The following FBXL17 variants were observed in gnomAD, a reference collection of about 807,000 sequenced individuals.
The protein encoded by FBXL17 is F-box/LRR-repeat protein 17.
In FBXL17, 22 loss-of-function variants were observed where a neutral mutation model predicts 66.2. That is an observed-to-expected ratio of 0.33 (90% CI 0.24 to 0.47). The LOEUF (loss-of-function observed/expected upper bound fraction) is 0.47, where lower values mean the gene tolerates loss of function less well. Ranked by LOEUF, FBXL17 falls within the 20% of genes least tolerant of loss-of-function variation. The pLI, the probability that FBXL17 is intolerant of heterozygous loss-of-function variation, is 1.00. For missense variants in FBXL17, 878 were observed against 948.2 expected (o/e 0.93, Z 0.97); for synonymous variants, 474 against 400.5 (o/e 1.18, Z -2.19).
chr5:108,248,320 A>G (rs1756197995), intron 4 of FBXL17, among the ~76,000 whole-genome samples: 1 of 152,182 alleles, frequency 6.6e-6, no homozygotes, highest in Admixed American at 6.6e-5. Flanking sequence ...CAAAACGAAA[A>G]AGTCATTGGA....
Position 107,917,131 on chromosome 5 carries a change from C to T in FBXL17, c.1823-35952G>A, listed in dbSNP as rs550037331. Among the ~76,000 whole-genome samples the T allele has an allele frequency of 1.2e-4, 18 of 152,304 alleles. 1 individual carries two copies. The South Asian group carries it at 3.7e-3, about 32-fold the overall frequency. ...AAATATTAATAGATTACTACCACCG[C>T]CACTACTATTACAATTACAGCTACT... On this transcript the variant is annotated intron_variant, in intron 7 of 8. Coordinates refer to ENST00000542267, the MANE Select transcript of FBXL17 (RefSeq NM_001163315.3).
At chr5:107,970,521 C>A (rs1472998280) in intron 7 of FBXL17, among the ~76,000 whole-genome samples, 1 of 152,130 alleles carries the variant, frequency 6.6e-6, no homozygotes, top group Non-Finnish European at 1.5e-5. Context: ...AGGCCAGAAT[C>A]TATGATCAAA....
intron 7 of FBXL17, among the ~76,000 whole-genome samples, chr5:108,000,285 T>C (rs930004557): frequency 2.6e-5 from 4 of 152,244 alleles, no homozygotes; most frequent in African/African-American, 9.6e-5. Context: ...CTTATACGCA[T>C]ACTGCTAAGG....
Position 107,935,409 on chromosome 5 carries a change from A to ATGTGTGTGTG in FBXL17, c.1823-54231_1823-54230insCACACACACA, listed in dbSNP as rs10636166. ...AAGAGGCATCTCTCTTTATATATAT[A>ATGTGTGTGTG]TATGTGTGTGTGTGTGTGTGTATGT... On this transcript the variant is annotated intron_variant, in intron 7 of 8. Coordinates refer to ENST00000542267, the MANE Select transcript of FBXL17 (RefSeq NM_001163315.3). Among the ~76,000 whole-genome samples the ATGTGTGTGTG allele has an allele frequency of 1.8e-3, 264 of 149,170 alleles. 1 individual carries two copies. The highest frequency in any genetic ancestry group is 3.0e-3 in the African/African-American group (121 of 40,426).
intron 4 of FBXL17, among the ~76,000 whole-genome samples, chr5:108,239,460 G>C (rs1050386433): frequency 3.9e-5 from 6 of 152,164 alleles, no homozygotes; most frequent in African/African-American, 7.2e-5. Flanking sequence ...CTGTCATAGC[G>C]GAAAGCAACA....
intron 6 of FBXL17, among the ~76,000 whole-genome samples, chr5:108,088,099 T>C (rs1749039926): frequency 6.6e-6 from 1 of 152,222 alleles, no homozygotes; most frequent in African/African-American, 2.4e-5. Context: ...GAAGCAAATT[T>C]CTTTTAAGTG....
At chr5:108,125,950 C>T (rs1463365898) in intron 6 of FBXL17, among the ~76,000 whole-genome samples, 1 of 152,030 alleles carries the variant, frequency 6.6e-6, no homozygotes, top group Non-Finnish European at 1.5e-5. Context: ...TCTTTACGGT[C>T]CAAAGGGCCC....
At chr5:107,909,095 T>G (rs1157414726) in intron 7 of FBXL17, among the ~76,000 whole-genome samples, 1 of 152,124 alleles carries the variant, frequency 6.6e-6, no homozygotes, top group Non-Finnish European at 1.5e-5. Context: ...TATATTGAGA[T>G]TCTGGGTAAA....
At chr5:108,085,184 T>C (rs994625485) in intron 6 of FBXL17, among the ~76,000 whole-genome samples, 3 of 152,240 alleles carry the variant, frequency 2.0e-5, no homozygotes, top group Non-Finnish European at 4.4e-5. Context: ...ACGACAGCTT[T>C]AGTGTTTATA....
chr5:108,177,572 C>T (rs1333081225), intron 6 of FBXL17, among the ~76,000 whole-genome samples: 5 of 152,038 alleles, frequency 3.3e-5, no homozygotes, highest in Non-Finnish European at 5.9e-5. Context: ...GCCAAAACAA[C>T]AGGCATGGGT....
intron 4 of FBXL17, among the ~76,000 whole-genome samples, chr5:108,330,948 G>A (rs1466359273): frequency 6.6e-6 from 1 of 152,104 alleles, no homozygotes; most frequent in East Asian, 1.9e-4. Flanking sequence ...AGCTACTCAG[G>A]AGGCTGAGGC....
intron 7 of FBXL17, among the ~76,000 whole-genome samples, chr5:107,977,256 T>C (rs1187431136): frequency 1.3e-5 from 2 of 152,226 alleles, no homozygotes; most frequent in African/African-American, 4.8e-5. Context: ...CTCTGAGTTA[T>C]CATTTATTTT....
In FBXL17 at chr5:108,050,772, T is replaced by G. The variant is rs376547515; in HGVS notation, c.1746-29771A>C. On this transcript the variant is annotated intron_variant, in intron 6 of 8. Coordinates refer to ENST00000542267, the MANE Select transcript of FBXL17 (RefSeq NM_001163315.3). ...AAAAATGAATGAATCCAGGAGCAGG[T>G]TTTTTGAAAAAATTAACAAAGTAGA... 2.4e-4 allele frequency among the ~76,000 whole-genome samples: 36 copies of G among 152,108 alleles called. No individual in the cohort carries two copies. The South Asian group carries it at 7.3e-3, about 31-fold the overall frequency.
At chr5:108,067,347 G>C (rs987386342) in intron 6 of FBXL17, among the ~76,000 whole-genome samples, 2 of 152,038 alleles carry the variant, frequency 1.3e-5, no homozygotes, top group Non-Finnish European at 2.9e-5. Flanking sequence ...CGATTAGTAA[G>C]CATAGAACCT....
At chr5:108,219,132 T>C (rs1054581166) in intron 5 of FBXL17, among the ~76,000 whole-genome samples, 2 of 152,214 alleles carry the variant, frequency 1.3e-5, no homozygotes, top group African/African-American at 4.8e-5. Flanking sequence ...CTTTATCAAG[T>C]TTTTAAAATG....
chr5:107,974,483 C>G (rs1040749657), intron 7 of FBXL17, among the ~76,000 whole-genome samples: 1 of 152,058 alleles, frequency 6.6e-6, no homozygotes, highest in Non-Finnish European at 1.5e-5. Flanking sequence ...AATTTCCACT[C>G]AAAAATGTGA....
intron 6 of FBXL17, among the ~76,000 whole-genome samples, chr5:108,158,797 G>C (rs773065852): frequency 6.6e-6 from 1 of 152,168 alleles, no homozygotes; most frequent in Admixed American, 6.5e-5. Flanking sequence ...ACTAGGCTCA[G>C]TAGGAAGTTT....
At chr5:108,093,880 A>T (rs1438065070) in intron 6 of FBXL17, among the ~76,000 whole-genome samples, 1 of 152,218 alleles carries the variant, frequency 6.6e-6, no homozygotes. Flanking sequence ...TTTAAAAATC[A>T]AAGTCATTAA....
chr5:108,154,074 C>T (rs984663310), intron 6 of FBXL17, among the ~76,000 whole-genome samples: 1 of 152,068 alleles, frequency 6.6e-6, no homozygotes, highest in African/African-American at 2.4e-5. Flanking sequence ...AATCTGCTAA[C>T]TGGGACATCA....
Sources: gnomAD v4.1 joint callset for allele counts (sites outside exome capture counted in the v4.1 genomes callset) on GRCh38, gnomAD v4.1.1 for gene constraint, MANE v1.5 for transcripts, NCBI Gene and HGNC (gene_info 2026-07-23, HGNC 2026-07-21) for gene names.